TECTA: variants seen among roughly 807,000 people sequenced by gnomAD.
The protein encoded by TECTA is tectorin alpha.
In TECTA, 128 loss-of-function variants were observed where a neutral mutation model predicts 216.8. That is an observed-to-expected ratio of 0.59 (90% CI 0.51 to 0.68). TECTA has a LOEUF of 0.68. Among genes scored for constraint, TECTA ranks in the 30% least tolerant of loss-of-function variants. TECTA has a pLI of 0.00. For synonymous variants in TECTA, 1,089 were observed against 1,117.1 expected (o/e 0.97, Z 0.50); for missense variants, 2,551 against 2,786.2 (o/e 0.92, Z 1.90).
chr11:121,153,139 C>T (rs1946909073), intron 13 of TECTA, 59 bp downstream of exon 13: 2 of 1,562,148 alleles, frequency 1.3e-6, no homozygotes, highest in African/African-American at 2.7e-5. Context: ...CTCTCCAACT[C>T]TAAGAGGTTG....
rs2135082088 is a variant in TECTA, at chr11:121,128,317, A to AGGAG, written c.2342_2345dup (p.Ile783ArgfsTer77). ...TGGTGGCCGACCAGGAGGTCAAGAT[A>AGGAG]GGAGGCATCGGGGCTTCGGAAGTCA... On this transcript the variant is annotated frameshift_variant, in exon 9 of 24. Transcript: ENST00000392793. LOFTEE classifies it high-confidence loss of function. 1 of 1,599,702 alleles carries AGGAG rather than the reference A, an allele frequency of 6.3e-7. No homozygotes were observed. The highest frequency in any genetic ancestry group is 8.5e-7 in the Non-Finnish European group (1 of 1,179,950).
intron 7 of TECTA, among the ~76,000 whole-genome samples, chr11:121,124,990 T>C (rs144871778): frequency 9.1e-4 from 139 of 152,306 alleles, no homozygotes; most frequent in African/African-American, 3.1e-3. Context: ...GAAGAAAAGA[T>C]ATGAAGCTAG....
At chr11:121,151,910 C>T (rs1021278653) in intron 12 of TECTA, among the ~76,000 whole-genome samples, 9 of 152,168 alleles carry the variant, frequency 5.9e-5, no homozygotes, top group Admixed American at 2.0e-4. Context: ...ATAGCTTCTA[C>T]GAAACTTTTT....
rs539113041 is a variant in TECTA, at chr11:121,184,766, G to A, written c.6000-3066G>A. Among the ~76,000 whole-genome samples, 10 of 152,276 alleles carry A rather than the reference G, an allele frequency of 6.6e-5. 1 individual carries two copies. In the South Asian group the frequency reaches 1.9e-3, roughly 28 times the overall value. On this transcript the variant is annotated intron_variant, in intron 20 of 23. Transcript: ENST00000392793. ...GTGGTGAATGGCATGGGTTGCTGAG[G>A]TGTACTGTGGAATTTTCAGCAAAGA...
chr11:121,109,590 C>G, intron 4 of TECTA, 92 bp downstream of exon 4: 1 of 1,483,468 alleles, frequency 6.7e-7, no homozygotes, highest in African/African-American at 1.4e-5. Context: ...ATTATTAGAG[C>G]TAAGGAGTGT....
chr11:121,175,417 A>T (rs1272248527), intron 20 of TECTA, among the ~76,000 whole-genome samples: 1 of 152,102 alleles, frequency 6.6e-6, no homozygotes, highest in East Asian at 1.9e-4. Flanking sequence ...GGTTTCAAAG[A>T]ACATCTTTAT....
chr11:121,161,175 A>G (rs1364678510), intron 15 of TECTA, among the ~76,000 whole-genome samples: 1 of 152,204 alleles, frequency 6.6e-6, no homozygotes, highest in Non-Finnish European at 1.5e-5. Context: ...ACACTGAACA[A>G]TGTATCATAT....
rs138338177 is a variant in TECTA at position 121,168,687 on chromosome 11, C to T, written c.5761C>T (p.Leu1921=). The change falls in exon 20 of 24, where the codon CTG becomes TTG. Residue 1921 remains leucine, a synonymous_variant. Coordinates refer to ENST00000392793, the MANE Select transcript of TECTA (RefSeq NM_005422.4). ...TTGTTTCCGTTTTAGTGTAATTAAC[C>T]TGACAGTTCCAACCCAAGAAGGCAG... is the stretch of plus-strand genomic sequence containing the variant. ...VVKPMLSVIN[L]TVPTQEGSFI... is the part of the protein sequence containing the mutation. The T allele has an allele frequency of 2.6e-5, 42 of 1,613,938 alleles. No individual in the cohort carries two copies. The highest frequency in any genetic ancestry group is 3.5e-5 in the Non-Finnish European group (41 of 1,179,986).
chr11:121,129,863 G>A lies in TECTA; in HGVS notation c.2593G>A (p.Gly865Ser), dbSNP rs370123961. 3.1e-6 allele frequency: 5 copies of A among 1,614,096 alleles called. No homozygotes were observed. In the African/African-American group the frequency reaches 4.0e-5, roughly 13 times the overall value. ...NASDEFCLPN[G>S]KCTDNLAVFL... ...CAGTGACGAGTTCTGTCTCCCCAAC[G>A]GCAAGTGCACGGACAACCTGGCAGT... The change falls in exon 10 of 24, where the codon GGC becomes AGC. Residue 865 changes from glycine to serine, a missense_variant. Around this residue, in one of 3 missense-constraint regions of TECTA, gnomAD observed 2,375 missense variants for 2,563.9 expected, o/e 0.93. Coordinates refer to ENST00000392793, the MANE Select transcript of TECTA (RefSeq NM_005422.4).
chr11:121,123,280 A>G (rs2135074284), intron 7 of TECTA, among the ~76,000 whole-genome samples: 1 of 152,250 alleles, frequency 6.6e-6, no homozygotes, highest in East Asian at 1.9e-4. Context: ...AAGAAAATTA[A>G]TTCTCTCTCT....
intron 11 of TECTA, among the ~76,000 whole-genome samples, chr11:121,138,510 G>A (rs539249499): frequency 9.2e-5 from 14 of 152,174 alleles, no homozygotes; most frequent in South Asian, 8.3e-4. Flanking sequence ...GCCTCCCTCC[G>A]TCTCTCCTGG....
At chr11:121,134,616 A>G (rs1048123965) in intron 10 of TECTA, among the ~76,000 whole-genome samples, 23 of 150,374 alleles carry the variant, frequency 1.5e-4, no homozygotes, top group Admixed American at 8.6e-4. Context: ...CTTTTGTCCT[A>G]TCTCCAGCTT....
In TECTA at chr11:121,190,826, T is replaced by C. The variant is rs1214562367; in HGVS notation, c.*20T>C. ...TCATAATTAACTCAAGGTTGCTATA[T>C]AAAGTACTGTAATTTACTTACTTCA... On this transcript the variant is annotated 3_prime_UTR_variant, in exon 24 of 24. Transcript: ENST00000392793. 3 of 1,559,772 alleles carry C rather than the reference T, an allele frequency of 1.9e-6. No individual in the cohort carries two copies.
chr11:121,109,228 T>G lies in TECTA; in HGVS notation c.216T>G (p.Val72=). The part of the protein sequence containing the change: ...YRTVYVNNNG[V]VSFNVLVSQF... ...TTTCGTAGGTCAATAACAACGGAGT[T>G]GTTTCCTTCAATGTGCTAGTGAGCC... The change falls in exon 4 of 24, where the codon GTT becomes GTG. Residue 72 remains valine, a synonymous_variant. Transcript: ENST00000392793. The G allele has an allele frequency of 1.9e-6, 3 of 1,614,166 alleles. No homozygotes were observed. Among genetic ancestry groups the G allele is most frequent in the Non-Finnish European group, 2.5e-6 (3 of 1,180,016 alleles).
At position 121,168,679 on chromosome 11, in the gene TECTA, TAA is replaced by T. The variant is rs1555129231; in HGVS notation, c.5754_5755del (p.Ile1919Ter). The T allele has an allele frequency of 6.2e-7, 1 of 1,614,170 alleles. No homozygotes were observed. The highest frequency in any genetic ancestry group is 1.7e-5 in the Admixed American group (1 of 60,030). On this transcript the variant is annotated frameshift_variant, in exon 20 of 24. Coordinates refer to ENST00000392793, the MANE Select transcript of TECTA (RefSeq NM_005422.4). LOFTEE classifies it high-confidence loss of function. ...TCTCATAATTGTTTCCGTTTTAGTG[TAA>T]TTAACCTGACAGTTCCAACCCAAGA... is the stretch of plus-strand genomic sequence containing the variant.
chr11:121,124,509 T>G lies in TECTA; in HGVS notation c.1204-793T>G, dbSNP rs181398555. ...TAGACTTAACTGCTTCTAAAAAACT[T>G]ATGTGATTCCCCTATGCTGGATTCA... On this transcript the variant is annotated intron_variant, in intron 7 of 23. Transcript: ENST00000392793. Among the ~76,000 whole-genome samples the G allele has an allele frequency of 2.6e-5, 4 of 152,332 alleles. No homozygotes were observed. In the East Asian group the frequency reaches 7.7e-4, roughly 29 times the overall value.
At chr11:121,166,823 C>G in intron 18 of TECTA, 43 bp downstream of exon 18, 2 of 1,605,962 alleles carry the variant, frequency 1.2e-6, no homozygotes, top group Non-Finnish European at 1.7e-6. Context: ...GAGGCAGCGA[C>G]AGCTTCGAGT....
rs750122360 is a variant in TECTA, at chr11:121,145,836, C to T, written c.3825C>T (p.Thr1275=). Residue 1275 remains threonine (T), a synonymous_variant, in exon 12 of 24, where the codon ACC becomes ACT. Transcript: ENST00000392793. ...GGCAGAGCTGGGTGAAGAGGGACACCTTCTGCCAGGTGGGCTGTGGGGACC... is the reference window on the plus strand; with the variant it reads ...GGCAGAGCTGGGTGAAGAGGGACACTTTCTGCCAGGTGGGCTGTGGGGACC... ...EFGQSWVKRD[T]FCQVGCGDRC... is the part of the protein sequence containing the mutation. 1.9e-5 allele frequency: 31 copies of T among 1,614,228 alleles called. No homozygotes were observed. In the East Asian group the frequency reaches 3.8e-4, roughly 20 times the overall value.
chr11:121,122,844 C>A (rs923562311), intron 7 of TECTA, among the ~76,000 whole-genome samples: 1 of 95,104 alleles, frequency 1.1e-5, no homozygotes, highest in Non-Finnish European at 2.1e-5. Flanking sequence ...CAGAGCAAGA[C>A]CCTGTTTCAA....
Sources: allele counts gnomAD v4.1 joint callset (sites outside exome capture counted in the v4.1 genomes callset), GRCh38; gene constraint gnomAD v4.1.1; regional missense constraint gnomAD v4.1.1; transcripts MANE v1.5; gene names NCBI Gene and HGNC (gene_info 2026-07-23, HGNC 2026-07-21).